OLFM3: variants seen among roughly 807,000 people sequenced by gnomAD.
OLFM3 encodes the protein olfactomedin 3, also known as noelin-3.
OLFM3 carries 20 observed loss-of-function variants against 48.6 expected under a neutral mutation model. That is an observed-to-expected ratio of 0.41 (90% confidence interval 0.29 to 0.60). OLFM3 has a LOEUF of 0.60. OLFM3 is among the 20% of genes least tolerant of loss of function. OLFM3 has a pLI of 0.28. For missense variants in OLFM3, 437 were observed against 544.3 expected (o/e 0.80, Z 1.96); for synonymous variants, 222 against 198.1 (o/e 1.12, Z -1.01).
intron 1 of OLFM3, among the ~76,000 whole-genome samples, chr1:101,915,965 G>T (rs7543735): frequency 0.43 from 65,754 of 151,812 alleles, 14,338 homozygotes; most frequent in East Asian, 0.59. Context: ...CAGCAACTCT[G>T]CGAGGTAAAA....
chr1:101,950,524 C>T (rs1660111069), intron 1 of OLFM3, among the ~76,000 whole-genome samples: 1 of 151,642 alleles, frequency 6.6e-6, no homozygotes, highest in Non-Finnish European at 1.5e-5. Flanking sequence ...CTGCAAGCTC[C>T]GCCTCCCGGG....
intron 1 of OLFM3, among the ~76,000 whole-genome samples, chr1:101,964,966 G>A (rs944634890): frequency 2.6e-5 from 4 of 152,186 alleles, no homozygotes; most frequent in African/African-American, 9.6e-5. Context: ...GCATTTCTGT[G>A]ACAGCAAATT....
chr1:101,949,555 C>A (rs1165901931), intron 1 of OLFM3, among the ~76,000 whole-genome samples: 3 of 152,110 alleles, frequency 2.0e-5, no homozygotes, highest in Admixed American at 6.5e-5. Flanking sequence ...ACCCCTACAT[C>A]TCTATCTTCC....
intron 1 of OLFM3, among the ~76,000 whole-genome samples, chr1:101,915,670 A>G (rs923132513): frequency 6.6e-6 from 1 of 152,184 alleles, no homozygotes; most frequent in Non-Finnish European, 1.5e-5. Flanking sequence ...TCATCTTTGC[A>G]AGGTAGAATG....
chr1:101,890,419 G>A (rs1657945944), intron 1 of OLFM3, among the ~76,000 whole-genome samples: 1 of 151,696 alleles, frequency 6.6e-6, no homozygotes, highest in African/African-American at 2.4e-5. Context: ...CTATTGTGAG[G>A]AAATCTTGCC....
intron 1 of OLFM3, among the ~76,000 whole-genome samples, chr1:101,901,383 G>A (rs1658381351): frequency 1.3e-5 from 2 of 152,062 alleles, no homozygotes; most frequent in East Asian, 3.8e-4. Context: ...AATGAGACAA[G>A]CATTTGAGAA....
chr1:101,957,348 T>C (rs1472654071), intron 1 of OLFM3, among the ~76,000 whole-genome samples: 2 of 152,050 alleles, frequency 1.3e-5, no homozygotes, highest in African/African-American at 4.8e-5. Context: ...CAATTTATAT[T>C]TTACTTACTT....
chr1:101,975,693 C>T (rs183468421), intron 1 of OLFM3, among the ~76,000 whole-genome samples: 2 of 152,172 alleles, frequency 1.3e-5, no homozygotes, highest in African/African-American at 2.4e-5. Context: ...ACAATGATTT[C>T]GGCAGAGATT....
At chr1:101,858,087 T>G (rs1656503027) in intron 1 of OLFM3, among the ~76,000 whole-genome samples, 1 of 152,136 alleles carries the variant, frequency 6.6e-6, no homozygotes. Context: ...TTCATAATCA[T>G]AGTATATTAT....
At chr1:101,928,560 T>C (rs1659348033) in intron 1 of OLFM3, among the ~76,000 whole-genome samples, 2 of 152,144 alleles carry the variant, frequency 1.3e-5, no homozygotes, top group Admixed American at 6.6e-5. Context: ...AACAGAGAAC[T>C]TGAGAAAACT....
At chr1:101,836,806 G>T (rs1030326957) in intron 2 of OLFM3, 73 bp downstream of exon 2, 8 of 1,431,082 alleles carry the variant, frequency 5.6e-6, no homozygotes, top group Non-Finnish European at 7.8e-6. Context: ...ATTATTATCG[G>T]CTCTACCATA....
rs140968790 is a variant in OLFM3 at position 101,919,287 on chromosome 1, T to G, written c.69+77461A>C. Among the ~76,000 whole-genome samples, 993 of 152,310 alleles carry G rather than the reference T, an allele frequency of 6.5e-3. 7 individuals are homozygous for G. Among genetic ancestry groups the G allele is most frequent in the Non-Finnish European group, 0.012 (807 of 68,016 alleles). ...ATTATCCCATTTCTCTGTTCCTTCT[T>G]AAAACAAAATGACTTGAAAAATTTT... On this transcript the variant is annotated intron_variant, in intron 1 of 5. Coordinates refer to ENST00000370103, the MANE Select transcript of OLFM3 (RefSeq NM_058170.4).
At chr1:101,844,867 G>C (rs1049901914) in intron 1 of OLFM3, among the ~76,000 whole-genome samples, 1 of 152,046 alleles carries the variant, frequency 6.6e-6, no homozygotes, top group Non-Finnish European at 1.5e-5. Flanking sequence ...TGGCTTGATG[G>C]TTTCTAAGAT....
chr1:101,926,956 T>C (rs1189235421), intron 1 of OLFM3, among the ~76,000 whole-genome samples: 2 of 152,104 alleles, frequency 1.3e-5, no homozygotes, highest in Non-Finnish European at 2.9e-5. Context: ...AAAAAAGAAT[T>C]GGAAGAATAA....
rs549876464 is a variant in OLFM3 at position 101,804,071 on chromosome 1, G to A, written c.*167C>T. 1.1e-4 allele frequency: 60 copies of A among 527,836 alleles called. No homozygotes were observed. Among genetic ancestry groups the A allele is most frequent in the African/African-American group, 1.1e-3 (56 of 50,832 alleles). 32.7% of individuals were successfully genotyped at this position (527,836 alleles called of 1,614,324 possible). ...GAAGTTAAGATGTGTTTCCAACATGGTAAGTTAGACAAGCTCAGCTATGTT... is the reference window on the plus strand; with the variant it reads ...GAAGTTAAGATGTGTTTCCAACATGATAAGTTAGACAAGCTCAGCTATGTT... On this transcript the variant is annotated 3_prime_UTR_variant, in exon 6 of 6. Transcript: ENST00000370103. This position sits in a 1 kb window ranked among gnomAD's most constrained non-coding sequence, Gnocchi z 4.5.
At chr1:101,818,744 C>T (rs754913860) in intron 4 of OLFM3, among the ~76,000 whole-genome samples, 16 of 152,064 alleles carry the variant, frequency 1.1e-4, no homozygotes, top group Non-Finnish European at 2.2e-4. Context: ...TGAAAAAAGG[C>T]TGTGCTTTTA....
intron 1 of OLFM3, among the ~76,000 whole-genome samples, chr1:101,996,513 T>G (rs1434871011): frequency 6.6e-6 from 1 of 152,120 alleles, no homozygotes; most frequent in Admixed American, 6.5e-5. Flanking sequence ...CCGCTGCCCA[T>G]GCACATTATA....
At chr1:101,884,720 G>A (rs1411922066) in intron 1 of OLFM3, among the ~76,000 whole-genome samples, 1 of 151,970 alleles carries the variant, frequency 6.6e-6, no homozygotes, top group Non-Finnish European at 1.5e-5. Flanking sequence ...TGGACAATGA[G>A]AATCCTTTTT....
At chr1:101,956,424 A>T (rs983873007) in intron 1 of OLFM3, among the ~76,000 whole-genome samples, 6 of 151,704 alleles carry the variant, frequency 4.0e-5, no homozygotes, top group Non-Finnish European at 7.4e-5. Context: ...CCTATTATTT[A>T]AAAAAATCCA....
Sources: allele counts gnomAD v4.1 joint callset (sites outside exome capture counted in the v4.1 genomes callset), GRCh38; gene constraint gnomAD v4.1.1; non-coding constraint Gnocchi (gnomAD v3.1); transcripts MANE v1.5; gene names NCBI Gene and HGNC (gene_info 2026-07-23, HGNC 2026-07-21).